The following CSMD1 variants were observed in gnomAD, a reference collection of about 807,000 sequenced individuals.
The protein encoded by CSMD1 is CUB and sushi domain-containing protein 1.
Under a neutral mutation model 417.5 loss-of-function variants are expected in CSMD1, and 213 were observed. That is an observed-to-expected ratio of 0.51 (90% CI 0.46 to 0.57). The LOEUF (loss-of-function observed/expected upper bound fraction) is 0.57. Ranked by LOEUF, CSMD1 falls within the 20% of genes least tolerant of loss-of-function variation. The pLI is 0.00. For missense variants in CSMD1, 6,923 were observed against 4,529.7 expected (o/e 1.53, Z -15.17); for synonymous variants, 2,862 against 1,736.8 (o/e 1.65, Z -16.11).
At chr8:3,700,300 C>G (rs542977483) in intron 7 of CSMD1, among the ~76,000 whole-genome samples, 35 of 152,190 alleles carry the variant, frequency 2.3e-4, no homozygotes, top group African/African-American at 7.7e-4. Flanking sequence ...TATACCTGCC[C>G]TCATGTAGTT....
intron 5 of CSMD1, among the ~76,000 whole-genome samples, chr8:3,794,368 T>C (rs1301503134): frequency 2.6e-5 from 4 of 152,200 alleles, no homozygotes; most frequent in Admixed American, 6.5e-5. Flanking sequence ...AAAACACTTA[T>C]AGATCATGAA....
chr8:4,031,986 A>G lies in CSMD1; in HGVS notation c.529T>C (p.Leu177=). 2 of 1,613,976 alleles carry G rather than the reference A, an allele frequency of 1.2e-6. No homozygotes were observed. The highest frequency in any genetic ancestry group is 1.7e-6 in the Non-Finnish European group (2 of 1,179,878). The change falls in exon 4 of 70, where the codon TTG becomes CTG. Residue 177 remains leucine (L), a synonymous_variant. Coordinates refer to ENST00000635120, the MANE Select transcript of CSMD1 (RefSeq NM_033225.6). ...IRYSCLPGYI[L]EGHAILTCIV... is the part of the protein sequence containing the mutation. ...CAGGTCAGGATGGCGTGGCCTTCCAAGATGTAGCCAGGGAGGCAGCTGTAC... is the reference window on the plus strand; with the variant it reads ...CAGGTCAGGATGGCGTGGCCTTCCAGGATGTAGCCAGGGAGGCAGCTGTAC...
intron 2 of CSMD1, among the ~76,000 whole-genome samples, chr8:4,488,477 C>A (rs1526342): frequency 0.019 from 2,896 of 152,144 alleles, 84 homozygotes; most frequent in African/African-American, 0.067. Flanking sequence ...ACAAAATAAA[C>A]TAGTGGTGAC....
At chr8:4,072,770 G>A (rs1348538008) in intron 3 of CSMD1, among the ~76,000 whole-genome samples, 1 of 152,066 alleles carries the variant, frequency 6.6e-6, no homozygotes, top group Non-Finnish European at 1.5e-5. Flanking sequence ...CCTTCACATG[G>A]AGCCTCACAG....
At chr8:3,904,127 G>C (rs771470502) in intron 5 of CSMD1, among the ~76,000 whole-genome samples, 18 of 152,010 alleles carry the variant, frequency 1.2e-4, no homozygotes, top group African/African-American at 4.1e-4. Context: ...ATTCGGCCTT[G>C]TAATTATATT....
At chr8:3,841,831 C>A (rs559265865) in intron 5 of CSMD1, among the ~76,000 whole-genome samples, 2 of 152,068 alleles carry the variant, frequency 1.3e-5, no homozygotes, top group African/African-American at 4.8e-5. Context: ...AGCACCGAGA[C>A]TTTGCATCAA....
At chr8:4,778,279 A>G (rs548551962) in intron 1 of CSMD1, among the ~76,000 whole-genome samples, 104 of 152,312 alleles carry the variant, frequency 6.8e-4, no homozygotes, top group Middle Eastern at 6.8e-3. Context: ...TGGGCTGGTC[A>G]TCTAATTTTG....
chr8:4,433,352 T>C (rs536798753), intron 2 of CSMD1, among the ~76,000 whole-genome samples: 4 of 152,292 alleles, frequency 2.6e-5, no homozygotes, highest in South Asian at 2.1e-4. Context: ...ACTGCTATTA[T>C]ATACAACTCA....
At chr8:4,461,895 C>T (rs1045703881) in intron 2 of CSMD1, among the ~76,000 whole-genome samples, 1 of 151,914 alleles carries the variant, frequency 6.6e-6, no homozygotes, top group African/African-American at 2.4e-5. Flanking sequence ...AGCCCGCCAC[C>T]ACGCCCGGCT....
At chr8:4,630,015 C>G (rs1211474674) in intron 2 of CSMD1, among the ~76,000 whole-genome samples, 1 of 152,022 alleles carries the variant, frequency 6.6e-6, no homozygotes, top group African/African-American at 2.4e-5. Context: ...CTTCTCTGCC[C>G]ATATTAGTAT....
intron 3 of CSMD1, among the ~76,000 whole-genome samples, chr8:4,245,961 T>C (rs1242262285): frequency 6.6e-6 from 1 of 152,206 alleles, no homozygotes; most frequent in Non-Finnish European, 1.5e-5. Context: ...CAATACAATC[T>C]ATCAGGGCCG....
chr8:4,584,906 T>G (rs1308172085), intron 2 of CSMD1, among the ~76,000 whole-genome samples: 1 of 152,142 alleles, frequency 6.6e-6, no homozygotes, highest in Non-Finnish European at 1.5e-5. Context: ...ATTAAGCAGC[T>G]CAAATTTAGA....
At chr8:4,530,082 T>C (rs947715229) in intron 2 of CSMD1, among the ~76,000 whole-genome samples, 1 of 151,346 alleles carries the variant, frequency 6.6e-6, no homozygotes, top group East Asian at 2.0e-4. Flanking sequence ...GCCCGACTAG[T>C]TTTTTGTATT....
intron 2 of CSMD1, among the ~76,000 whole-genome samples, chr8:4,604,389 G>GTGTGTGTGTGTGTGTA (rs1437763053): frequency 1.3e-5 from 1 of 78,910 alleles, no homozygotes; most frequent in Non-Finnish European, 3.7e-5. Flanking sequence ...CATTGTGTGT[G>GTGTGTGTGTGTGTGTA]TGTGTGTGTG....
At chr8:3,512,317 G>C (rs528999138) in intron 10 of CSMD1, among the ~76,000 whole-genome samples, 2 of 152,176 alleles carry the variant, frequency 1.3e-5, no homozygotes, top group African/African-American at 2.4e-5. Context: ...CAACTTATTT[G>C]TTCTATACCC....
chr8:3,150,485 G>C (rs1359043843), intron 40 of CSMD1, among the ~76,000 whole-genome samples: 1 of 152,178 alleles, frequency 6.6e-6, no homozygotes, highest in African/African-American at 2.4e-5. Flanking sequence ...CACTCCTACT[G>C]CTACTGCCAT....
intron 1 of CSMD1, among the ~76,000 whole-genome samples, chr8:4,718,843 T>C (rs1404640560): frequency 6.6e-6 from 1 of 152,036 alleles, no homozygotes; most frequent in Non-Finnish European, 1.5e-5. Context: ...AAAGATATAA[T>C]ACTCCCTAAA....
At chr8:3,166,416 C>A (rs1205902811) in intron 37 of CSMD1, among the ~76,000 whole-genome samples, 1 of 152,216 alleles carries the variant, frequency 6.6e-6, no homozygotes, top group South Asian at 2.1e-4. Flanking sequence ...CACCTGTAGT[C>A]CCACCTACTC....
intron 29 of CSMD1, 41 bp from the exon 30 acceptor site, chr8:3,214,732 C>T (rs1183054218): frequency 4.8e-6 from 7 of 1,469,992 alleles, no homozygotes; most frequent in Non-Finnish European, 6.4e-6. Flanking sequence ...GAGCAGGGAT[C>T]TTATTCTTGT....
Sources: allele counts gnomAD v4.1 joint callset (sites outside exome capture counted in the v4.1 genomes callset), GRCh38; gene constraint gnomAD v4.1.1; transcripts MANE v1.5; gene names NCBI Gene and HGNC (gene_info 2026-07-23, HGNC 2026-07-21).